The following GABRA4 variants were observed in gnomAD, a reference collection of about 807,000 sequenced individuals.
GABRA4 encodes the protein gamma-aminobutyric acid receptor subunit alpha-4.
Under a neutral mutation model 49.7 loss-of-function variants are expected in GABRA4, and 12 were observed. The ratio of observed to expected loss-of-function variants is 0.24; its 90% CI spans 0.15 to 0.39. The LOEUF (loss-of-function observed/expected upper bound fraction) is 0.39. GABRA4 is among the 10% of genes least tolerant of loss of function. The probability of loss-of-function intolerance (pLI) is 1.00; values close to 1 mark genes in which losing one functional copy is unlikely to be tolerated. For missense variants in GABRA4, 506 were observed against 686.0 expected (o/e 0.74, Z 2.93); for synonymous variants, 288 against 240.2 (o/e 1.20, Z -1.84).
intron 2 of GABRA4, among the ~76,000 whole-genome samples, chr4:46,988,667 C>T (rs1332548895): frequency 6.6e-6 from 1 of 152,094 alleles, no homozygotes; most frequent in African/African-American, 2.4e-5. Flanking sequence ...GTTGTTAAAG[C>T]TTTAGAACAA....
intron 6 of GABRA4, among the ~76,000 whole-genome samples, chr4:46,973,322 G>A (rs889035555): frequency 1.3e-5 from 2 of 151,690 alleles, no homozygotes; most frequent in Non-Finnish European, 2.9e-5. Flanking sequence ...AATAGAATTA[G>A]TGCCTTTATA....
At chr4:46,972,899 C>T (rs1186127054) in intron 6 of GABRA4, among the ~76,000 whole-genome samples, 2 of 151,722 alleles carry the variant, frequency 1.3e-5, no homozygotes, top group Admixed American at 1.3e-4. Flanking sequence ...TACCTCACAT[C>T]TTTGCTCCAG....
intron 8 of GABRA4, among the ~76,000 whole-genome samples, chr4:46,963,290 A>G (rs1722643938): frequency 6.6e-6 from 1 of 151,842 alleles, no homozygotes. Flanking sequence ...CAAAAATTTG[A>G]ATAGATAATA....
chr4:46,961,376 G>A (rs1040826237), intron 8 of GABRA4, among the ~76,000 whole-genome samples: 2 of 151,766 alleles, frequency 1.3e-5, no homozygotes, highest in African/African-American at 4.8e-5. Context: ...GTCCCCTTTA[G>A]TGCTTTACTA....
At chr4:46,993,282 G>A (rs1032015899) in intron 1 of GABRA4, 57 bp downstream of exon 1, 4 of 1,464,134 alleles carry the variant, frequency 2.7e-6, no homozygotes, top group African/African-American at 2.8e-5. Context: ...AGGGGTCCCG[G>A]AGCTAGCCAT....
intron 7 of GABRA4, among the ~76,000 whole-genome samples, chr4:46,968,334 A>G (rs769556392): frequency 1.3e-5 from 2 of 151,364 alleles, no homozygotes; most frequent in Non-Finnish European, 3.0e-5. Context: ...TGAAAACAAT[A>G]TCTTGGCACA....
Position 46,920,594 on chromosome 4 carries a change from A to C in GABRA4, c.*7631T>G, listed in dbSNP as rs1720989399. ...AGGGAGAATTTTTATCAAATTGTGTAAATCCACATTATCTCCATATTTTAC... is the reference window on the plus strand; with the variant it reads ...AGGGAGAATTTTTATCAAATTGTGTCAATCCACATTATCTCCATATTTTAC... On this transcript the variant is annotated 3_prime_UTR_variant, in exon 9 of 9. Transcript: ENST00000264318. 6.6e-6 allele frequency: 1 copy of C among 151,748 alleles called. No homozygotes were observed. The highest frequency in any genetic ancestry group is 6.6e-5 in the Admixed American group (1 of 15,218). The allele number at this position is 151,748 out of a possible 1,614,324, so 9.4% of individuals were successfully genotyped here. A position where few individuals can be genotyped will look rare whatever the true frequency, so the allele number is the denominator to read the frequency against.
At chr4:46,983,330 T>C (rs897965454) in intron 2 of GABRA4, among the ~76,000 whole-genome samples, 5 of 152,126 alleles carry the variant, frequency 3.3e-5, no homozygotes, top group African/African-American at 1.2e-4. Flanking sequence ...ATGCCTTTAC[T>C]ATTATTCTTA....
At chr4:46,933,941 G>C (rs746033413) in intron 8 of GABRA4, among the ~76,000 whole-genome samples, 5 of 152,088 alleles carry the variant, frequency 3.3e-5, no homozygotes, top group Non-Finnish European at 5.9e-5. Flanking sequence ...AGGCAAACAG[G>C]AGCAGATCCA....
At position 46,927,990 on chromosome 4, in the gene GABRA4, T is replaced by TA; in HGVS notation, c.*234_*235insT. The TA allele has an allele frequency of 4.7e-5, 18 of 379,172 alleles. No homozygotes were observed. Among genetic ancestry groups the TA allele is most frequent in the South Asian group, 2.8e-4 (7 of 24,854 alleles). The allele number at this position is 379,172 out of a possible 1,614,324, so 23.5% of individuals were successfully genotyped here. A position where few individuals can be genotyped will look rare whatever the true frequency, so the allele number is the denominator to read the frequency against. On this transcript the variant is annotated 3_prime_UTR_variant, in exon 9 of 9. Transcript: ENST00000264318. The stretch of plus-strand genomic sequence containing the variant: ...CTTATCCCAACTTTCCAGGATGGTG[T>TA]GTATTCTATCTAACTGAATGCTGAG...
intron 2 of GABRA4, among the ~76,000 whole-genome samples, chr4:46,987,872 A>G (rs1723596801): frequency 1.3e-5 from 2 of 152,034 alleles, no homozygotes; most frequent in African/African-American, 4.8e-5. Context: ...CCATTTAGAA[A>G]ACTCCAATTG....
intron 8 of GABRA4, among the ~76,000 whole-genome samples, chr4:46,946,518 C>T (rs1173285488): frequency 6.6e-6 from 1 of 152,070 alleles, no homozygotes; most frequent in Non-Finnish European, 1.5e-5. Flanking sequence ...TGTTTCATTT[C>T]TGCTAACTCT....
intron 8 of GABRA4, among the ~76,000 whole-genome samples, chr4:46,936,898 A>G (rs1721620737): frequency 6.6e-6 from 1 of 152,238 alleles, no homozygotes. Context: ...GAAATGGGGC[A>G]GTGTAGCCCA....
chr4:46,925,848 A>G lies in GABRA4; in HGVS notation c.*2377T>C, dbSNP rs1369759894. 1.3e-5 allele frequency: 2 copies of G among 150,676 alleles called. No individual in the cohort carries two copies. The highest frequency in any genetic ancestry group is 3.0e-5 in the Non-Finnish European group (2 of 67,560). The allele number at this position is 150,676 out of a possible 1,614,324, so 9.3% of individuals were successfully genotyped here. A position where few individuals can be genotyped will look rare whatever the true frequency, so the allele number is the denominator to read the frequency against. Reference sequence around the variant, plus strand: ...GGTTAATGTGTTCTTCAAATTAACAATTAAGAATCCTTGGTTAATTCTGTC... The same window carrying G: ...GGTTAATGTGTTCTTCAAATTAACAGTTAAGAATCCTTGGTTAATTCTGTC... On this transcript the variant is annotated 3_prime_UTR_variant, in exon 9 of 9. Coordinates refer to ENST00000264318, the MANE Select transcript of GABRA4 (RefSeq NM_000809.4).
chr4:46,976,580 C>CTA lies in GABRA4; in HGVS notation c.577+479_577+480dup, dbSNP rs1373953418. ...ACAGTGCTGCTTCTGTCATTTTAAC[C>CTA]TATACTGTGTCAGGAAGCTCTGAAC... On this transcript the variant is annotated intron_variant, in intron 5 of 8. Coordinates refer to ENST00000264318, the MANE Select transcript of GABRA4 (RefSeq NM_000809.4). Among the ~76,000 whole-genome samples the CTA allele has an allele frequency of 1.6e-4, 25 of 151,656 alleles. 1 individual carries two copies. The Admixed American group carries it at 1.6e-3, about 10-fold the overall frequency.
intron 6 of GABRA4, among the ~76,000 whole-genome samples, chr4:46,973,430 G>A (rs1723026802): frequency 6.6e-6 from 1 of 151,652 alleles, no homozygotes; most frequent in African/African-American, 2.4e-5. Flanking sequence ...GAAGAAATGG[G>A]TCCTCATTGA....
intron 8 of GABRA4, among the ~76,000 whole-genome samples, chr4:46,956,942 A>C (rs1722388387): frequency 6.6e-6 from 1 of 152,074 alleles, no homozygotes; most frequent in Non-Finnish European, 1.5e-5. Flanking sequence ...AGCTTGCCAT[A>C]GCGCTAAATA....
intron 8 of GABRA4, among the ~76,000 whole-genome samples, chr4:46,940,298 A>T (rs903855927): frequency 2.6e-5 from 4 of 152,084 alleles, no homozygotes; most frequent in Non-Finnish European, 5.9e-5. Flanking sequence ...TAGGATACTG[A>T]AATTTCAGCT....
rs375944822 is a variant in GABRA4 at position 46,975,149 on chromosome 4, C to A, written c.578-774G>T. ...CATAACAGACAGCTTGGCTCACACA[C>A]AAGTAAGTTCAAAAGAACCAAAATG... On this transcript the variant is annotated intron_variant, in intron 5 of 8. Coordinates refer to ENST00000264318, the MANE Select transcript of GABRA4 (RefSeq NM_000809.4). Among the ~76,000 whole-genome samples, 13 of 152,076 alleles carry A rather than the reference C, an allele frequency of 8.5e-5. No homozygotes were observed. The East Asian group carries it at 2.1e-3, about 25-fold the overall frequency.
Sources: allele counts gnomAD v4.1 joint callset (sites outside exome capture counted in the v4.1 genomes callset), GRCh38; gene constraint gnomAD v4.1.1; transcripts MANE v1.5; gene names NCBI Gene and HGNC (gene_info 2026-07-23, HGNC 2026-07-21).